Variants in CCDC66 observed in about 807,000 individuals in gnomAD.
CCDC66 encodes coiled-coil domain-containing protein 66.
Under a neutral mutation model 128.3 loss-of-function variants are expected in CCDC66, and 133 were observed. The observed-to-expected ratio is 1.04, with a 90% confidence interval of 0.90 to 1.20. CCDC66 has a LOEUF of 1.20. Among genes scored for constraint, CCDC66 ranks in the 50% most tolerant of loss-of-function variants. The probability of loss-of-function intolerance (pLI) is 0.00; values close to 1 mark genes in which losing one functional copy is unlikely to be tolerated. For missense variants in CCDC66, 1,126 were observed against 1,075.5 expected (o/e 1.05, Z -0.66); for synonymous variants, 387 against 357.0 (o/e 1.08, Z -0.95).
intron 7 of CCDC66, among the ~76,000 whole-genome samples, chr3:56,586,709 C>A (rs773389541): frequency 6.6e-6 from 1 of 151,688 alleles, no homozygotes; most frequent in African/African-American, 2.4e-5. Flanking sequence ...ACTCCAAAGA[C>A]TTGATGCTTA....
intron 7 of CCDC66, among the ~76,000 whole-genome samples, chr3:56,580,797 T>C (rs2068228136): frequency 6.6e-6 from 1 of 151,952 alleles, no homozygotes; most frequent in African/African-American, 2.4e-5. Flanking sequence ...TCCGATGGGC[T>C]TCCCTTTGTG....
chr3:56,583,639 C>T (rs2068828708), intron 7 of CCDC66, among the ~76,000 whole-genome samples: 2 of 151,898 alleles, frequency 1.3e-5, no homozygotes, highest in African/African-American at 2.4e-5. Flanking sequence ...TCAACAGCAT[C>T]CCAAGGCAGA....
At chr3:56,612,813 G>A (rs1342336099) in intron 10 of CCDC66, among the ~76,000 whole-genome samples, 2 of 152,176 alleles carry the variant, frequency 1.3e-5, no homozygotes, top group East Asian at 3.9e-4. Flanking sequence ...CAGGTCCCTG[G>A]ACCAATGTGC....
chr3:56,619,806 TC>T lies in CCDC66; in HGVS notation c.2666del (p.Ser889LeufsTer14). 6.2e-7 allele frequency: 1 copy of T among 1,614,148 alleles called. No homozygotes were observed. The highest frequency in any genetic ancestry group is 8.5e-7 in the Non-Finnish European group (1 of 1,180,006). On this transcript the variant is annotated frameshift_variant, in exon 17 of 18. Coordinates refer to ENST00000394672, the MANE Select transcript of CCDC66 (RefSeq NM_001141947.3). LOFTEE classifies it high-confidence loss of function. ...TGGCCAAAAACGACAGCTATTTGAT[TC>T]TGACTGTGTCAGGGATCCACTTCTT... ...DCGQKRQLFDSDCVRDPLLNP... is the reference protein window; with the variant it reads ...DCGQKRQLFDXDCVRDPLLNP...
At chr3:56,593,815 ATT>A in intron 9 of CCDC66, 74 bp downstream of exon 9, 1 of 1,588,334 alleles carries the variant, frequency 6.3e-7, no homozygotes, top group Non-Finnish European at 8.6e-7. Flanking sequence ...GTTATGTCTA[ATT>A]GGTTTCAGGT....
chr3:56,592,628 A>G (rs539642166), intron 7 of CCDC66, among the ~76,000 whole-genome samples: 233 of 151,950 alleles, frequency 1.5e-3, no homozygotes, highest in African/African-American at 5.5e-3. Flanking sequence ...GCCTCCCAAC[A>G]TGCTGGGATT....
intron 10 of CCDC66, among the ~76,000 whole-genome samples, chr3:56,603,954 A>G (rs569697424): frequency 1.3e-5 from 2 of 152,190 alleles, no homozygotes; most frequent in East Asian, 3.9e-4. Flanking sequence ...GACTTGCTTT[A>G]TGAATCTGGG....
chr3:56,564,886 G>T (rs1410240879), intron 4 of CCDC66, among the ~76,000 whole-genome samples: 2 of 152,158 alleles, frequency 1.3e-5, no homozygotes, highest in Non-Finnish European at 2.9e-5. Flanking sequence ...TTACTCTCTT[G>T]TTATAGATTA....
Position 56,576,278 on chromosome 3 carries a change from A to AT in CCDC66, c.936+4984dup, listed in dbSNP as rs964287513. ...TAAGTTTTTCTTTTTAATTTTTTAA[A>AT]TTTTTTTTGTTTTTTTATATATTTT... is the stretch of plus-strand genomic sequence containing the variant. On this transcript the variant is annotated intron_variant, in intron 7 of 17. Transcript: ENST00000394672. Among the ~76,000 whole-genome samples, 64 of 148,304 alleles carry AT rather than the reference A, an allele frequency of 4.3e-4. 5 individuals carry two copies. The East Asian group carries it at 0.012, about 27-fold the overall frequency.
Position 56,564,019 on chromosome 3 carries a change from G to A in CCDC66, c.438G>A (p.Lys146=). ...AACACATCACAGCTGAAAACATGAA[G>A]AGCAGTTTGGTGTGTCTAACACAAG... ...HKKHITAENM[K]SSLVCLTQDQ... The change falls in exon 4 of 18, where the codon AAG becomes AAA. Residue 146 remains lysine (K), a synonymous_variant. Transcript: ENST00000394672. 2 of 1,613,880 alleles carry A rather than the reference G, an allele frequency of 1.2e-6. No individual in the cohort carries two copies. The highest frequency in any genetic ancestry group is 8.5e-7 in the Non-Finnish European group (1 of 1,179,894).
At chr3:56,564,169 A>ATG (rs2065479121) in intron 4 of CCDC66, 44 bp downstream of exon 4, 2 of 1,462,072 alleles carry the variant, frequency 1.4e-6, no homozygotes, top group Admixed American at 2.0e-5. Context: ...TTTTTTCAAT[A>ATG]TGTGTTTTAG....
Position 56,583,288 on chromosome 3 carries a change from G to A in CCDC66, c.937-9682G>A, listed in dbSNP as rs909751942. On this transcript the variant is annotated intron_variant, in intron 7 of 17. Coordinates refer to ENST00000394672, the MANE Select transcript of CCDC66 (RefSeq NM_001141947.3). ...TAGGAAGAGCCCCTCGTATGGCATA[G>A]TTAAGAGGTTTTTGTTTGTTTGTTT... 2.0e-5 allele frequency among the ~76,000 whole-genome samples: 3 copies of A among 151,942 alleles called. 1 individual carries two copies. The Admixed American group carries it at 2.0e-4, about 10-fold the overall frequency.
chr3:56,596,280 GA>G, intron 10 of CCDC66, among the ~76,000 whole-genome samples: 1 of 152,242 alleles, frequency 6.6e-6, no homozygotes, highest in Non-Finnish European at 1.5e-5. Flanking sequence ...TTATGGGTTT[GA>G]TTTGCATTTC....
chr3:56,598,158 G>GT (rs2072472365), intron 10 of CCDC66, among the ~76,000 whole-genome samples: 1 of 148,360 alleles, frequency 6.7e-6, no homozygotes, highest in African/African-American at 2.5e-5. Flanking sequence ...TGTTTTGTTT[G>GT]TTTGTTTGTT....
At chr3:56,577,859 T>G (rs1369713645) in intron 7 of CCDC66, among the ~76,000 whole-genome samples, 1 of 151,878 alleles carries the variant, frequency 6.6e-6, no homozygotes, top group Non-Finnish European at 1.5e-5. Flanking sequence ...GCATGATGCC[T>G]CCAGCTTTGT....
intron 7 of CCDC66, among the ~76,000 whole-genome samples, chr3:56,590,477 G>A (rs2070676516): frequency 6.6e-6 from 1 of 152,178 alleles, no homozygotes; most frequent in Non-Finnish European, 1.5e-5. Context: ...TTTCACACAA[G>A]GCTGTCATGT....
rs1320796937 is a variant in CCDC66 at position 56,573,726 on chromosome 3, G to GA, written c.936+2424_936+2425insA. Among the ~76,000 whole-genome samples the GA allele has an allele frequency of 6.8e-3, 1,029 of 151,520 alleles. 30 individuals are homozygous for GA. The East Asian group carries it at 0.069, about 10-fold the overall frequency. On this transcript the variant is annotated intron_variant, in intron 7 of 17. Transcript: ENST00000394672. ...AGGGCTGGTTTCTGTTTAGCCCTTA[G>GA]GCTAAATAGTGGTTAGCCAGGGAGG...
chr3:56,584,399 C>G lies in CCDC66; in HGVS notation c.937-8571C>G, dbSNP rs1290754807. 2.7e-5 allele frequency among the ~76,000 whole-genome samples: 4 copies of G among 150,858 alleles called. 1 individual carries two copies. In the East Asian group the frequency reaches 8.3e-4, roughly 31 times the overall value. ...ACGGGGCGGCTGCCGGGTGGAGGGG[C>G]TCCTCACTTCTCAGACGGGGCGGCC... On this transcript the variant is annotated intron_variant, in intron 7 of 17. Transcript: ENST00000394672.
intron 7 of CCDC66, among the ~76,000 whole-genome samples, chr3:56,580,826 T>C (rs1348051031): frequency 1.3e-5 from 2 of 151,890 alleles, no homozygotes; most frequent in Admixed American, 1.3e-4. Flanking sequence ...GACCTTTCTC[T>C]CTGGCTGCCC....
Sources: gnomAD v4.1 joint callset for allele counts (sites outside exome capture counted in the v4.1 genomes callset) on GRCh38, gnomAD v4.1.1 for gene constraint, MANE v1.5 for transcripts, NCBI Gene and HGNC (gene_info 2026-07-23, HGNC 2026-07-21) for gene names.